AFAP1: variants seen among roughly 807,000 people sequenced by gnomAD.
The protein encoded by AFAP1 is actin filament associated protein 1.
A neutral mutation model predicts 93.9 loss-of-function variants in AFAP1; 75 were observed. That is an observed-to-expected ratio of 0.80 (90% CI 0.66 to 0.97). The LOEUF is 0.97. AFAP1 is among the 50% of genes least tolerant of loss of function. The pLI, the probability that AFAP1 is intolerant of heterozygous loss-of-function variation, is 0.00. For synonymous variants in AFAP1, 517 were observed against 430.7 expected (o/e 1.20, Z -2.48); for missense variants, 1,201 against 1,050.8 (o/e 1.14, Z -1.98).
intron 4 of AFAP1, among the ~76,000 whole-genome samples, chr4:7,844,987 C>G (rs1415689633): frequency 5.9e-5 from 9 of 152,232 alleles, no homozygotes; most frequent in Admixed American, 4.6e-4. Flanking sequence ...CAGAAGAGAA[C>G]TCATATTTTT....
intron 4 of AFAP1, among the ~76,000 whole-genome samples, chr4:7,847,299 C>G (rs965934964): frequency 2.6e-5 from 4 of 152,070 alleles, no homozygotes; most frequent in Non-Finnish European, 2.9e-5. Flanking sequence ...AGAGAACTCT[C>G]CGGAAAGTAT....
chr4:7,863,565 A>G (rs530301117), intron 3 of AFAP1, among the ~76,000 whole-genome samples: 4 of 152,218 alleles, frequency 2.6e-5, no homozygotes, highest in Non-Finnish European at 5.9e-5. Context: ...AACATGCTAC[A>G]TCCCACACGT....
chr4:7,885,393 A>T (rs1718086928), intron 1 of AFAP1, among the ~76,000 whole-genome samples: 1 of 151,820 alleles, frequency 6.6e-6, no homozygotes, highest in South Asian at 2.1e-4. Context: ...TCACTACCAC[A>T]CCTTCCTTCA....
intron 1 of AFAP1, among the ~76,000 whole-genome samples, chr4:7,879,699 C>CTTTTTTTTTTTTTTTT (rs552211338): frequency 3.3e-5 from 4 of 121,720 alleles, no homozygotes; most frequent in African/African-American, 1.2e-4. Flanking sequence ...TGCTTGCTTG[C>CTTTTTTTTTTTTTTTT]TTTTTTTTTT....
intron 3 of AFAP1, among the ~76,000 whole-genome samples, chr4:7,861,754 A>G (rs1489803930): frequency 6.6e-6 from 1 of 152,260 alleles, no homozygotes; most frequent in Admixed American, 6.5e-5. Context: ...ATTATACATG[A>G]GCCAAAACTC....
In AFAP1 at chr4:7,939,825, G is replaced by C. The variant is rs753917303; in HGVS notation, c.-172C>G. On this transcript the variant is annotated 5_prime_UTR_variant, in exon 1 of 18. Transcript: ENST00000420658. The surrounding 1 kb of genome is among the most constrained non-coding windows in gnomAD (Gnocchi z 5.6). ...CGCTCGAGATCCGGCTCGGCTCGCG[G>C]AGCTGCAGCCGGCGTGGGGCTGCGG... is the stretch of plus-strand genomic sequence containing the variant. The C allele has an allele frequency of 5.5e-5, 16 of 293,280 alleles. No homozygotes were observed. The East Asian group carries it at 1.8e-3, about 33-fold the overall frequency. 18.2% of individuals were successfully genotyped at this position (293,280 alleles called of 1,614,324 possible). A position where few individuals can be genotyped will look rare whatever the true frequency, so the allele number is the denominator to read the frequency against.
At chr4:7,793,118 A>G (rs1360004558) in intron 11 of AFAP1, among the ~76,000 whole-genome samples, 1 of 152,206 alleles carries the variant, frequency 6.6e-6, no homozygotes, top group Non-Finnish European at 1.5e-5. Flanking sequence ...TATGTTAAAG[A>G]AATATTCACT....
At chr4:7,827,959 C>T (rs1171291363) in intron 6 of AFAP1, among the ~76,000 whole-genome samples, 1 of 152,160 alleles carries the variant, frequency 6.6e-6, no homozygotes, top group East Asian at 1.9e-4. Flanking sequence ...TTAATAACTT[C>T]TTTGGGGTAA....
chr4:7,894,393 A>C (rs981617235), intron 1 of AFAP1, among the ~76,000 whole-genome samples: 1 of 152,194 alleles, frequency 6.6e-6, no homozygotes, highest in Non-Finnish European at 1.5e-5. Flanking sequence ...ACAAAACTCG[A>C]AAAAGGAAAA....
intron 1 of AFAP1, among the ~76,000 whole-genome samples, chr4:7,881,388 T>C (rs1009590223): frequency 1.3e-5 from 2 of 152,108 alleles, no homozygotes; most frequent in African/African-American, 4.8e-5. Flanking sequence ...CCAATGCCAA[T>C]GAGCACAGCT....
chr4:7,800,240 C>T (rs1718893911), intron 10 of AFAP1, among the ~76,000 whole-genome samples: 1 of 151,032 alleles, frequency 6.6e-6, no homozygotes, highest in South Asian at 2.1e-4. Flanking sequence ...CCGTCATTGT[C>T]GTATCTCCCA....
At chr4:7,850,586 C>A (rs1321790842) in intron 4 of AFAP1, among the ~76,000 whole-genome samples, 1 of 152,240 alleles carries the variant, frequency 6.6e-6, no homozygotes, top group Non-Finnish European at 1.5e-5. Flanking sequence ...CATGGTCTGG[C>A]TACAGGAGAA....
At chr4:7,893,425 CA>C (rs1416668366) in intron 1 of AFAP1, among the ~76,000 whole-genome samples, 1 of 151,744 alleles carries the variant, frequency 6.6e-6, no homozygotes, top group African/African-American at 2.4e-5. Context: ...CTAAAAAATA[CA>C]AAAAATTAGC....
chr4:7,796,055 G>T (rs550114309), intron 10 of AFAP1, among the ~76,000 whole-genome samples: 2 of 152,160 alleles, frequency 1.3e-5, no homozygotes, highest in African/African-American at 4.8e-5. Context: ...ACATATAAAC[G>T]TGTGAATGTG....
intron 10 of AFAP1, chr4:7,798,846 G>A: frequency 1.0e-6 from 1 of 980,460 alleles, no homozygotes; most frequent in Non-Finnish European, 1.2e-6. Flanking sequence ...CGCACCCCGA[G>A]CTTCTCTGTC....
rs571441018 is a variant in AFAP1 at position 7,799,434 on chromosome 4, G to C, written c.1266+1008C>G. ...TGCCTGACTGGGCAGCCGTGGCTTAGGTCGCAGCCCCAGGCACTCTCTCCT... is the reference window on the plus strand; with the variant it reads ...TGCCTGACTGGGCAGCCGTGGCTTACGTCGCAGCCCCAGGCACTCTCTCCT... On this transcript the variant is annotated intron_variant, in intron 10 of 17. Transcript: ENST00000420658. Among the ~76,000 whole-genome samples the C allele has an allele frequency of 2.6e-3, 396 of 152,294 alleles. 1 individual carries two copies. Among genetic ancestry groups the C allele is most frequent in the Non-Finnish European group, 4.8e-3 (327 of 68,032 alleles).
At chr4:7,830,423 C>A (rs557300987) in intron 6 of AFAP1, among the ~76,000 whole-genome samples, 3 of 152,112 alleles carry the variant, frequency 2.0e-5, no homozygotes, top group Non-Finnish European at 4.4e-5. Flanking sequence ...GGCACCTCGG[C>A]CTGCAGTAGC....
rs538267063 is a variant in AFAP1 at position 7,763,932 on chromosome 4, C to G, written c.2419-141G>C. The G allele has an allele frequency of 1.0e-5, 8 of 767,878 alleles. No individual in the cohort carries two copies. The Admixed American group carries it at 1.2e-4, about 12-fold the overall frequency. The allele number at this position is 767,878 out of a possible 1,614,324, so 47.6% of individuals were successfully genotyped here. ...TCAACAGAATCAATGACCAATGACCCGGCAATTCCACTGCTAGGTATTCAC... is the reference window on the plus strand; with the variant it reads ...TCAACAGAATCAATGACCAATGACCGGGCAATTCCACTGCTAGGTATTCAC... On this transcript the variant is annotated intron_variant, in intron 17 of 17. Transcript: ENST00000420658.
At chr4:7,831,801 C>CA (rs1351316187) in intron 6 of AFAP1, among the ~76,000 whole-genome samples, 2 of 152,136 alleles carry the variant, frequency 1.3e-5, no homozygotes, top group African/African-American at 2.4e-5. Context: ...TACAGGTGAC[C>CA]AAAAGCATGG....
Sources: gnomAD v4.1 joint callset for allele counts (sites outside exome capture counted in the v4.1 genomes callset) on GRCh38, gnomAD v4.1.1 for gene constraint, Gnocchi (gnomAD v3.1) non-coding constraint, MANE v1.5 for transcripts, NCBI Gene and HGNC (gene_info 2026-07-23, HGNC 2026-07-21) for gene names.